LPIN1: variants seen among roughly 807,000 people sequenced by gnomAD.
The protein encoded by LPIN1 is lipin 1, also known as phosphatidate phosphatase LPIN1.
Under a neutral mutation model 107.5 loss-of-function variants are expected in LPIN1, and 71 were observed. The ratio of observed to expected loss-of-function variants is 0.66; its 90% CI spans 0.55 to 0.80. The LOEUF is 0.80. Ranked by LOEUF, LPIN1 falls within the 30% of genes least tolerant of loss-of-function variation. LPIN1 has a pLI of 0.00. For synonymous variants in LPIN1, 445 were observed against 452.6 expected, an observed-to-expected ratio of 0.98 and a Z score of 0.21; for missense variants, 1,043 against 1,160.6, an observed-to-expected ratio of 0.90 and a Z score of 1.47.
At chr2:11,724,284 G>A (rs979804278), upstream of LPIN1, 2 of 928,254 alleles carry the variant, frequency 2.2e-6, no homozygotes, top group Non-Finnish European at 2.6e-6. Context: ...TCCCCGTGGG[G>A]GGCATCAGAA....
intron 1 of LPIN1, among the ~76,000 whole-genome samples, chr2:11,735,278 T>G (rs1444443764): frequency 1.4e-5 from 2 of 142,442 alleles, no homozygotes; most frequent in Non-Finnish European, 3.0e-5. Flanking sequence ...GCTGACAGAG[T>G]AAGACTCTGT....
intron 14 of LPIN1, among the ~76,000 whole-genome samples, chr2:11,801,125 G>T (rs562891204): frequency 9.9e-4 from 151 of 152,344 alleles, no homozygotes; most frequent in Non-Finnish European, 1.5e-3. Flanking sequence ...CAAGGATGTG[G>T]ATAGAAGGGA....
chr2:11,744,301 C>T (rs1209254262), upstream of LPIN1, among the ~76,000 whole-genome samples: 1 of 152,266 alleles, frequency 6.6e-6, no homozygotes, highest in Non-Finnish European at 1.5e-5. Context: ...GATAGCACAG[C>T]CAAGGGCCCT....
At chr2:11,779,486 C>G in intron 6 of LPIN1, 33 bp from the exon 7 acceptor site, 1 of 1,610,982 alleles carries the variant, frequency 6.2e-7, no homozygotes, top group Non-Finnish European at 8.5e-7. Flanking sequence ...GTTTCTTTTC[C>G]CACCTTAATT....
chr2:11,808,222 C>G lies in LPIN1; in HGVS notation c.2249+3066C>G, dbSNP rs1249913493. Among the ~76,000 whole-genome samples, 3 of 152,146 alleles carry G rather than the reference C, an allele frequency of 2.0e-5. No homozygotes were observed. The East Asian group carries it at 5.8e-4, about 29-fold the overall frequency. ...GGGCCTGGCTTGTTGGCCTCGGTCC[C>G]CATCATGGAGGACAGTCTGGACACG... On this transcript the variant is annotated intron_variant, in intron 17 of 20. Transcript: ENST00000674199.
At chr2:11,801,582 T>C (rs1677741586) in intron 14 of LPIN1, among the ~76,000 whole-genome samples, 1 of 152,034 alleles carries the variant, frequency 6.6e-6, no homozygotes, top group Non-Finnish European at 1.5e-5. Flanking sequence ...AGTAGAATGG[T>C]GGTTACCAGA....
chr2:11,826,202 C>T lies in LPIN1; in HGVS notation c.*1411C>T, dbSNP rs924037506. 6.6e-6 allele frequency: 1 copy of T among 152,488 alleles called. No individual in the cohort carries two copies. Among genetic ancestry groups the T allele is most frequent in the African/African-American group, 2.4e-5 (1 of 41,422 alleles). 9.4% of individuals were successfully genotyped at this position (152,488 alleles called of 1,614,324 possible). ...TATTTAAATTTCATTGTTAGAATCA[C>T]AGGAGGCAAAAAATGGAACGGTTGA... On this transcript the variant is annotated 3_prime_UTR_variant, in exon 21 of 21. Coordinates refer to ENST00000674199, the MANE Select transcript of LPIN1 (RefSeq NM_001349206.2).
At chr2:11,735,966 G>T (rs1304362500) in intron 1 of LPIN1, among the ~76,000 whole-genome samples, 1 of 152,180 alleles carries the variant, frequency 6.6e-6, no homozygotes, top group Non-Finnish European at 1.5e-5. Flanking sequence ...ACTGTCACAG[G>T]TTGCACAGTG....
chr2:11,785,388 G>C (rs1241869068), intron 10 of LPIN1, among the ~76,000 whole-genome samples: 1 of 152,146 alleles, frequency 6.6e-6, no homozygotes, highest in Non-Finnish European at 1.5e-5. Context: ...AGAGGGTGTC[G>C]GCAGCGAGAG....
intron 14 of LPIN1, among the ~76,000 whole-genome samples, chr2:11,802,539 A>G (rs1376024110): frequency 6.6e-6 from 1 of 152,180 alleles, no homozygotes; most frequent in Non-Finnish European, 1.5e-5. Context: ...TTGGACTCCT[A>G]GCGCTTGGCA....
At chr2:11,718,389 A>C (rs2148530597) in intron 2 of LPIN1, among the ~76,000 whole-genome samples, 1 of 149,700 alleles carries the variant, frequency 6.7e-6, no homozygotes, top group African/African-American at 2.5e-5. Context: ...TACCATGCCC[A>C]GCTAATTTTT....
chr2:11,685,759 C>T lies in LPIN1; in HGVS notation c.81+8031C>T, dbSNP rs1661970563. Among the ~76,000 whole-genome samples the T allele has an allele frequency of 2.0e-5, 3 of 152,214 alleles. No individual in the cohort carries two copies. In the South Asian group the frequency reaches 6.2e-4, roughly 32 times the overall value. ...TTTCCCATCGAGGAATGTGTGTAAA[C>T]TCAGGTACCATTTTGAACTTCCCTT... is the stretch of plus-strand genomic sequence containing the variant. On this transcript the variant is annotated intron_variant, in intron 1 of 21. Transcript: ENST00000449576.
At position 11,737,079 on chromosome 2, in the gene LPIN1, G is replaced by A. The variant is rs145041290; in HGVS notation, c.-71-4270G>A. ...GTAATGTCAGATTAGAAGTGAGGGTGTGACATCTACAACCATCTGATCTTT... is the reference window on the plus strand; with the variant it reads ...GTAATGTCAGATTAGAAGTGAGGGTATGACATCTACAACCATCTGATCTTT... On this transcript the variant is annotated intron_variant, in intron 1 of 21. Coordinates refer to the LPIN1 transcript ENST00000396097. Among the ~76,000 whole-genome samples, 571 of 152,296 alleles carry A rather than the reference G, an allele frequency of 3.7e-3. 4 individuals are homozygous for A. The highest frequency in any genetic ancestry group is 0.013 in the African/African-American group (531 of 41,554).
chr2:11,787,941 A>C (rs1396595372), intron 11 of LPIN1, among the ~76,000 whole-genome samples: 1 of 119,982 alleles, frequency 8.3e-6, no homozygotes, highest in Non-Finnish European at 1.6e-5. Flanking sequence ...ACTCTGTCTC[A>C]AAAAAAAAAA....
chr2:11,732,374 T>C (rs1483007660), intron 1 of LPIN1, among the ~76,000 whole-genome samples: 1 of 152,226 alleles, frequency 6.6e-6, no homozygotes, highest in Non-Finnish European at 1.5e-5. Context: ...TGTGGACCCT[T>C]TGGACTTCTG....
At chr2:11,729,303 TTAAAG>T (rs1664965636) in intron 1 of LPIN1, among the ~76,000 whole-genome samples, 2 of 151,640 alleles carry the variant, frequency 1.3e-5, no homozygotes, top group Admixed American at 1.3e-4. Context: ...ATCCCAGAAC[TTAAAG>T]TAAAATTTTA....
At chr2:11,758,283 C>T (rs1430153927) in intron 1 of LPIN1, among the ~76,000 whole-genome samples, 1 of 152,034 alleles carries the variant, frequency 6.6e-6, no homozygotes, top group Non-Finnish European at 1.5e-5. Context: ...GATATATACC[C>T]GGGACTGGAA....
At chr2:11,716,897 T>C (rs1311739741) in intron 2 of LPIN1, among the ~76,000 whole-genome samples, 1 of 152,210 alleles carries the variant, frequency 6.6e-6, no homozygotes, top group African/African-American at 2.4e-5. Context: ...TGTGCCTCCC[T>C]CTTGGCTGAT....
At chr2:11,805,653 C>T (rs1678546241) in intron 17 of LPIN1, 1 of 223,386 alleles carries the variant, frequency 4.5e-6, no homozygotes, top group Non-Finnish European at 9.0e-6. Context: ...GAACAGTGCC[C>T]ACCGTGGGAC....
Sources: gnomAD v4.1 joint callset for allele counts (sites outside exome capture counted in the v4.1 genomes callset) on GRCh38, gnomAD v4.1.1 for gene constraint, MANE v1.5 for transcripts, NCBI Gene and HGNC (gene_info 2026-07-23, HGNC 2026-07-21) for gene names.